PCDHGB5: variants seen among roughly 807,000 people sequenced by gnomAD.
PCDHGB5 encodes protocadherin gamma subfamily B, 5.
PCDHGB5 carries 48 observed loss-of-function variants against 62.9 expected under a neutral mutation model. That is an observed-to-expected ratio of 0.76 (90% CI 0.61 to 0.97). The LOEUF (loss-of-function observed/expected upper bound fraction) is 0.97, where lower values mean the gene tolerates loss of function less well. Ranked by LOEUF, PCDHGB5 falls within the 50% of genes least tolerant of loss-of-function variation. PCDHGB5 has a pLI of 0.00. For synonymous variants in PCDHGB5, 474 were observed against 511.2 expected, an observed-to-expected ratio of 0.93 and a Z score of 0.98; for missense variants, 1,118 against 1,198.6, an observed-to-expected ratio of 0.93 and a Z score of 0.99.
At chr5:141,460,961 A>ATG (rs35821115) in intron 1 of PCDHGB5, among the ~76,000 whole-genome samples, 128 of 144,610 alleles carry the variant, frequency 8.9e-4, no homozygotes, top group Middle Eastern at 7.1e-3. Context: ...GTATATATAT[A>ATG]TGTGTGTGTG....
rs1340590903 is a variant in PCDHGB5, at chr5:141,432,842, G to A, written c.2397+32318G>A. On this transcript the variant is annotated intron_variant, in intron 1 of 3. Coordinates refer to ENST00000617380, the MANE Select transcript of PCDHGB5 (RefSeq NM_018925.3). This position sits in a 1 kb window ranked among gnomAD's most constrained non-coding sequence, Gnocchi z 6.0. ...CTCAGACCTCACTCTGTACCTGGTG[G>A]TAGCGGTGGCCGCGGTCTCCTGCGT... 5 of 1,614,192 alleles carry A rather than the reference G, an allele frequency of 3.1e-6. No individual in the cohort carries two copies. The South Asian group carries it at 4.4e-5, about 14-fold the overall frequency.
intron 1 of PCDHGB5, chr5:141,420,199 C>G (rs764130526): frequency 6.2e-7 from 1 of 1,613,362 alleles, no homozygotes; most frequent in Non-Finnish European, 8.5e-7. Flanking sequence ...CACAAGATAA[C>G]CTCAACAAAG....
chr5:141,497,111 G>A (rs899232924), intron 2 of PCDHGB5, among the ~76,000 whole-genome samples: 16 of 152,010 alleles, frequency 1.1e-4, no homozygotes, highest in Non-Finnish European at 1.2e-4. Context: ...GCTTGAACCC[G>A]GAAGGCAGAG....
intron 1 of PCDHGB5, chr5:141,422,413 GAA>G (rs753790858): frequency 6.2e-7 from 1 of 1,604,644 alleles, no homozygotes; most frequent in South Asian, 1.1e-5. Flanking sequence ...TTTTAAATTA[GAA>G]AAGACTTATG....
intron 1 of PCDHGB5, chr5:141,430,745 T>C (rs377018529): frequency 1.3e-4 from 191 of 1,499,634 alleles, no homozygotes; most frequent in Non-Finnish European, 1.7e-4. Context: ...AAAATAATTC[T>C]GGAGGAAGAT....
chr5:141,434,948 T>C (rs1486185815), intron 1 of PCDHGB5, among the ~76,000 whole-genome samples: 1 of 151,828 alleles, frequency 6.6e-6, no homozygotes, highest in East Asian at 1.9e-4. Flanking sequence ...ATATAATTTA[T>C]TAACAATTTA....
chr5:141,435,542 A>C (rs1402711516), intron 1 of PCDHGB5, among the ~76,000 whole-genome samples: 1 of 152,146 alleles, frequency 6.6e-6, no homozygotes, highest in Non-Finnish European at 1.5e-5. Flanking sequence ...GAATTAACAA[A>C]ATGTGTTTTG....
At chr5:141,415,401 G>A (rs1408496357) in intron 1 of PCDHGB5, 9 of 1,614,088 alleles carry the variant, frequency 5.6e-6, no homozygotes, top group East Asian at 2.2e-5. Context: ...TGTCCGGCTC[G>A]CACTTTGTGG....
Position 141,486,880 on chromosome 5 carries a change from G to T in PCDHGB5, c.2398-7927G>T. On this transcript the variant is annotated intron_variant, in intron 1 of 3. Transcript: ENST00000617380. The surrounding 1 kb of genome is among the most constrained non-coding windows in gnomAD (Gnocchi z 5.0). The stretch of plus-strand genomic sequence containing the variant: ...ATGCTCCAGCTGTGCTCCGTCCTCG[G>T]GCCCGGCCTGGTTCCTTATGTCCCC... The T allele has an allele frequency of 6.2e-7, 1 of 1,614,212 alleles. No homozygotes were observed. Among genetic ancestry groups the T allele is most frequent in the East Asian group, 2.2e-5 (1 of 44,882 alleles).
chr5:141,467,923 T>C lies in PCDHGB5; in HGVS notation c.2398-26884T>C, dbSNP rs190816380. Among the ~76,000 whole-genome samples the C allele has an allele frequency of 3.9e-3, 588 of 151,590 alleles. 5 individuals carry two copies. Among genetic ancestry groups the C allele is most frequent in the Admixed American group, 0.011 (168 of 15,214 alleles). ...ATCCGCCCACCTCAGCCTCCCAAAA[T>C]GCTAGGATTACAAGCATGAGCCACC... On this transcript the variant is annotated intron_variant, in intron 1 of 3. Coordinates refer to ENST00000617380, the MANE Select transcript of PCDHGB5 (RefSeq NM_018925.3).
chr5:141,431,768 G>T lies in PCDHGB5; in HGVS notation c.2397+31244G>T. 6.2e-7 allele frequency: 1 copy of T among 1,614,218 alleles called. No individual in the cohort carries two copies. The highest frequency in any genetic ancestry group is 8.5e-7 in the Non-Finnish European group (1 of 1,180,036). On this transcript the variant is annotated intron_variant, in intron 1 of 3. Coordinates refer to ENST00000617380, the MANE Select transcript of PCDHGB5 (RefSeq NM_018925.3). The surrounding 1 kb of genome is among the most constrained non-coding windows in gnomAD (Gnocchi z 4.8). ...TGCGCGAGCCAAAGTCCTGATCACT[G>T]TTCTGGACGTGAACGACAATGCCCC...
At chr5:141,468,652 G>A (rs1206892693) in intron 1 of PCDHGB5, 2 of 149,062 alleles carry the variant, frequency 1.3e-5, no homozygotes, top group African/African-American at 2.5e-5. Context: ...GGATCACAAG[G>A]TCAGGAGATC....
intron 1 of PCDHGB5, chr5:141,433,169 C>T: frequency 6.2e-7 from 1 of 1,613,000 alleles, no homozygotes; most frequent in Non-Finnish European, 8.5e-7. Context: ...TAAAGACAGT[C>T]ATGGGTTAAT....
rs773471969 is a variant in PCDHGB5, at chr5:141,422,101, A to G, written c.2397+21577A>G. 11 of 1,610,046 alleles carry G rather than the reference A, an allele frequency of 6.8e-6. No individual in the cohort carries two copies. The highest frequency in any genetic ancestry group is 4.5e-5 in the East Asian group (2 of 44,870). ...GAACATGGAAAGCAAGGCTTCTGAA[A>G]TATTCCAATTGGATTCACAAACTGG... On this transcript the variant is annotated intron_variant, in intron 1 of 3. Coordinates refer to ENST00000617380, the MANE Select transcript of PCDHGB5 (RefSeq NM_018925.3).
intron 1 of PCDHGB5, among the ~76,000 whole-genome samples, chr5:141,467,571 A>T (rs1228156610): frequency 6.6e-6 from 1 of 152,212 alleles, no homozygotes; most frequent in African/African-American, 2.4e-5. Context: ...ATGGCTATCC[A>T]GTTGTCCCAA....
At chr5:141,433,935 T>G (rs2097665519) in intron 1 of PCDHGB5, among the ~76,000 whole-genome samples, 2 of 152,150 alleles carry the variant, frequency 1.3e-5, no homozygotes, top group African/African-American at 2.4e-5. Context: ...GATTTTATAA[T>G]TCCATTGTTT....
chr5:141,419,981 A>G (rs2096455772), intron 1 of PCDHGB5: 2 of 1,613,934 alleles, frequency 1.2e-6, no homozygotes, highest in East Asian at 2.2e-5. Flanking sequence ...CCTCGCGGTG[A>G]TTCTAGCTAT....
At chr5:141,404,002 A>G in intron 1 of PCDHGB5, 2 of 1,613,928 alleles carry the variant, frequency 1.2e-6, no homozygotes, top group South Asian at 1.1e-5. Context: ...TGACCATTAC[A>G]TCTCTGTTTA....
At chr5:141,509,071 G>T (rs1209992467) in intron 3 of PCDHGB5, among the ~76,000 whole-genome samples, 1 of 152,176 alleles carries the variant, frequency 6.6e-6, no homozygotes, top group Admixed American at 6.5e-5. Flanking sequence ...CAGCTCCGGG[G>T]ATTTGCGACA....
Sources: gnomAD v4.1 joint callset for allele counts (sites outside exome capture counted in the v4.1 genomes callset) on GRCh38, gnomAD v4.1.1 for gene constraint, Gnocchi (gnomAD v3.1) non-coding constraint, MANE v1.5 for transcripts, NCBI Gene and HGNC (gene_info 2026-07-23, HGNC 2026-07-21) for gene names.